Variants in ANKRD17 observed in about 807,000 individuals in gnomAD.
ANKRD17 encodes ankyrin repeat domain-containing protein 17.
Under a neutral mutation model 229.7 loss-of-function variants are expected in ANKRD17, and 19 were observed. The observed-to-expected ratio is 0.08, with a 90% CI of 0.06 to 0.12. ANKRD17 has a LOEUF of 0.12. Ranked by LOEUF, ANKRD17 falls within the 10% of genes least tolerant of loss-of-function variation. ANKRD17 has a pLI of 1.00. For missense variants in ANKRD17, 2,176 were observed against 3,176.8 expected, an observed-to-expected ratio of 0.68 and a Z score of 7.57; for synonymous variants, 1,112 against 1,146.1, an observed-to-expected ratio of 0.97 and a Z score of 0.60.
intron 16 of ANKRD17, among the ~76,000 whole-genome samples, chr4:73,125,534 A>T (rs1727319133): frequency 6.6e-6 from 1 of 152,128 alleles, no homozygotes; most frequent in Non-Finnish European, 1.5e-5. Context: ...AGAGATTGAG[A>T]CCATCCTGGC....
At chr4:73,162,662 TCAGAACTG>T (rs1468501249) in intron 2 of ANKRD17, among the ~76,000 whole-genome samples, 2 of 151,892 alleles carry the variant, frequency 1.3e-5, no homozygotes, top group Non-Finnish European at 2.9e-5. Flanking sequence ...TGAAAACCAT[TCAGAACTG>T]CAAAATTAAA....
chr4:73,214,623 A>G (rs781250759), intron 1 of ANKRD17, among the ~76,000 whole-genome samples: 18 of 151,444 alleles, frequency 1.2e-4, no homozygotes, highest in Non-Finnish European at 2.2e-4. Flanking sequence ...CTCTGCATGC[A>G]CTCACAATTT....
At chr4:73,104,390 G>A (rs1403321832) in intron 24 of ANKRD17, among the ~76,000 whole-genome samples, 1 of 152,162 alleles carries the variant, frequency 6.6e-6, no homozygotes, top group East Asian at 1.9e-4. Flanking sequence ...AGTGAAGGAG[G>A]GAGAAGTGTG....
intron 18 of ANKRD17, among the ~76,000 whole-genome samples, chr4:73,122,297 G>C (rs1482498098): frequency 6.6e-6 from 1 of 152,112 alleles, no homozygotes; most frequent in Admixed American, 6.6e-5. Flanking sequence ...GGTTTTGTAA[G>C]AAATTGCCAG....
intron 2 of ANKRD17, among the ~76,000 whole-genome samples, chr4:73,169,253 A>G (rs1733653907): frequency 1.3e-5 from 2 of 152,228 alleles, no homozygotes; most frequent in South Asian, 4.1e-4. Flanking sequence ...CAAAAGGCAC[A>G]TCACAGCATT....
intron 1 of ANKRD17, among the ~76,000 whole-genome samples, chr4:73,204,079 T>C (rs1243677600): frequency 1.3e-5 from 2 of 151,714 alleles, no homozygotes; most frequent in Non-Finnish European, 2.9e-5. Flanking sequence ...AACAATCTTG[T>C]ACGGGCGCGG....
chr4:73,121,289 A>G, intron 19 of ANKRD17, 195 bp from the exon 20 acceptor site: 1 of 631,514 alleles, frequency 1.6e-6, no homozygotes, highest in Admixed American at 2.9e-5. Flanking sequence ...TATTTTTTGT[A>G]TTTCACTCAA....
chr4:73,150,010 C>T (rs1385042921), intron 7 of ANKRD17, among the ~76,000 whole-genome samples: 3 of 152,152 alleles, frequency 2.0e-5, no homozygotes, highest in Admixed American at 1.3e-4. Flanking sequence ...TATGTTATCT[C>T]CCAGACATAT....
intron 1 of ANKRD17, among the ~76,000 whole-genome samples, chr4:73,181,677 A>G (rs893606338): frequency 6.6e-6 from 1 of 152,164 alleles, no homozygotes; most frequent in Non-Finnish European, 1.5e-5. Context: ...ATTATTCTAC[A>G]GAAAAAAAAT....
intron 15 of ANKRD17, among the ~76,000 whole-genome samples, chr4:73,137,089 T>C (rs1018189133): frequency 6.6e-6 from 1 of 150,768 alleles, no homozygotes; most frequent in African/African-American, 2.4e-5. Flanking sequence ...ACCTATAAAA[T>C]TGGTTTACTA....
At chr4:73,146,035 TCTTATTC>T (rs1560592279) in intron 10 of ANKRD17, among the ~76,000 whole-genome samples, 2 of 152,090 alleles carry the variant, frequency 1.3e-5, no homozygotes, top group Non-Finnish European at 2.9e-5. Flanking sequence ...CCTTTGGATG[TCTTATTC>T]CTTTTACCCC....
At chr4:73,250,688 T>TTTG (rs537285641) in intron 1 of ANKRD17, among the ~76,000 whole-genome samples, 5,607 of 148,670 alleles carry the variant, frequency 0.038, 215 homozygotes, top group African/African-American at 0.095. Flanking sequence ...TGTAACGGTT[T>TTTG]TTGTTGTTGT....
intron 1 of ANKRD17, among the ~76,000 whole-genome samples, chr4:73,228,021 ATGATTT>A (rs1742676868): frequency 1.3e-5 from 2 of 152,152 alleles, no homozygotes; most frequent in South Asian, 4.1e-4. Flanking sequence ...GAAAAATTTA[ATGATTT>A]TGCCCACTCA....
At chr4:73,150,889 G>T (rs1255251763) in intron 7 of ANKRD17, among the ~76,000 whole-genome samples, 1 of 152,112 alleles carries the variant, frequency 6.6e-6, no homozygotes, top group Non-Finnish European at 1.5e-5. Flanking sequence ...GCTCAGAAAA[G>T]ACCTCGAGAG....
chr4:73,117,774 T>C (rs1431779628), intron 22 of ANKRD17, among the ~76,000 whole-genome samples: 4 of 152,196 alleles, frequency 2.6e-5, no homozygotes, highest in African/African-American at 9.7e-5. Flanking sequence ...TAATCTGATA[T>C]TCCCAATAAC....
At chr4:73,185,735 G>A (rs1244767326) in intron 1 of ANKRD17, among the ~76,000 whole-genome samples, 1 of 151,928 alleles carries the variant, frequency 6.6e-6, no homozygotes, top group African/African-American at 2.4e-5. Context: ...ATCATTATGG[G>A]ATGAATTATA....
At chr4:73,111,038 T>C (rs1260969622) in intron 24 of ANKRD17, among the ~76,000 whole-genome samples, 1 of 152,202 alleles carries the variant, frequency 6.6e-6, no homozygotes, top group Non-Finnish European at 1.5e-5. Context: ...AGGAAAGTAT[T>C]CTGCAAGTAT....
Position 73,120,977 on chromosome 4 carries a change from A to G in ANKRD17, c.3753T>C (p.Asn1251=). ...GSDINAQIET[N]RNTALTLACF... is the part of the protein sequence containing the mutation. Reference sequence around the variant, plus strand: ...AGGCTAAAGTAAGGGCAGTGTTCCGATTGGTTTCTATCTGAGCATTTATGT... The same window carrying G: ...AGGCTAAAGTAAGGGCAGTGTTCCGGTTGGTTTCTATCTGAGCATTTATGT... Residue 1251 remains asparagine, a synonymous_variant, in exon 20 of 34, where the codon AAT becomes AAC. Coordinates refer to ENST00000358602, the MANE Select transcript of ANKRD17 (RefSeq NM_032217.5). 2 of 1,613,754 alleles carry G rather than the reference A, an allele frequency of 1.2e-6. No individual in the cohort carries two copies. The highest frequency in any genetic ancestry group is 8.5e-7 in the Non-Finnish European group (1 of 1,179,896).
intron 16 of ANKRD17, among the ~76,000 whole-genome samples, chr4:73,125,652 G>A (rs1727342256): frequency 6.6e-6 from 1 of 150,378 alleles, no homozygotes; most frequent in Non-Finnish European, 1.5e-5. Flanking sequence ...AGAATCGCTT[G>A]AACCTGGGAG....
Sources: allele counts gnomAD v4.1 joint callset (sites outside exome capture counted in the v4.1 genomes callset), GRCh38; gene constraint gnomAD v4.1.1; transcripts MANE v1.5; gene names NCBI Gene and HGNC (gene_info 2026-07-23, HGNC 2026-07-21).